MGST1: variants seen among roughly 807,000 people sequenced by gnomAD.
The protein encoded by MGST1 is microsomal glutathione S-transferase 1.
Under a neutral mutation model 8.9 loss-of-function variants are expected in MGST1, and 5 were observed. The ratio of observed to expected loss-of-function variants is 0.56; its 90% CI spans 0.29 to 1.19. The LOEUF (loss-of-function observed/expected upper bound fraction) is 1.19. Among genes scored for constraint, MGST1 ranks in the 50% most tolerant of loss-of-function variants. The pLI is 0.08. For synonymous variants in MGST1, 54 were observed against 67.8 expected, an observed-to-expected ratio of 0.80 and a Z score of 1.00; for missense variants, 182 against 187.4, an observed-to-expected ratio of 0.97 and a Z score of 0.17.
chr12:16,590,019 G>T (rs1005178402), downstream of MGST1, among the ~76,000 whole-genome samples: 2 of 152,008 alleles, frequency 1.3e-5, no homozygotes, highest in African/African-American at 2.4e-5. Context: ...AAGATTCAAA[G>T]CACATTTGCA....
rs1014668019 is a variant in MGST1, at chr12:16,586,314, A to G, written n.483-3214A>G. On this transcript the variant is annotated intron_variant and non_coding_transcript_variant, in intron 4 of 4. Transcript: ENST00000538857. The surrounding 1 kb of genome is among the most constrained non-coding windows in gnomAD (Gnocchi z 4.3). ...GATGTCATGATACGATGAAGTCCAC[A>G]TACGGAACAACTAAGAAACAACTAA... 2.5e-4 allele frequency among the ~76,000 whole-genome samples: 38 copies of G among 152,218 alleles called. No homozygotes were observed. Among genetic ancestry groups the G allele is most frequent in the African/African-American group, 8.7e-4 (36 of 41,448 alleles).
At chr12:16,444,676 G>C (rs1164755126) in intron 4 of MGST1, among the ~76,000 whole-genome samples, 1 of 151,884 alleles carries the variant, frequency 6.6e-6, no homozygotes, top group Admixed American at 6.6e-5. Context: ...AAGCTGAAGG[G>C]GGAGTGCTGG....
At chr12:16,453,731 A>G (rs2137115689) in intron 4 of MGST1, among the ~76,000 whole-genome samples, 1 of 151,964 alleles carries the variant, frequency 6.6e-6, no homozygotes, top group East Asian at 1.9e-4. Context: ...ACAATCTTTA[A>G]TGTTGCTTGA....
chr12:16,428,296 C>T (rs939982892), intron 1 of MGST1, among the ~76,000 whole-genome samples: 10 of 151,314 alleles, frequency 6.6e-5, no homozygotes, highest in African/African-American at 2.4e-4. Context: ...TCTCTTATAA[C>T]TTTGTTTGCA....
At chr12:16,558,016 A>G (rs946761474) in intron 4 of MGST1, among the ~76,000 whole-genome samples, 1 of 152,080 alleles carries the variant, frequency 6.6e-6, no homozygotes, top group Admixed American at 6.5e-5. Context: ...GATAGAAGAC[A>G]TATGTGAAGC....
Position 16,369,449 on chromosome 12 carries a change from G to T in MGST1, c.222-6673G>T, listed in dbSNP as rs188947130. Among the ~76,000 whole-genome samples the T allele has an allele frequency of 9.6e-4, 146 of 152,180 alleles. No individual in the cohort carries two copies. Among genetic ancestry groups the T allele is most frequent in the African/African-American group, 3.3e-3 (139 of 41,530 alleles). On this transcript the variant is annotated intron_variant, in intron 3 of 3. Transcript: ENST00000535309. This position sits in a 1 kb window ranked among gnomAD's most constrained non-coding sequence, Gnocchi z 4.8. The stretch of plus-strand genomic sequence containing the variant: ...GGTTCTCTAAGGAATCTGGAAATTG[G>T]CTGAAACTTGGCTGATTCAGAAAGA...
chr12:16,377,659 C>A (rs978871020), downstream of MGST1, among the ~76,000 whole-genome samples: 7 of 152,016 alleles, frequency 4.6e-5, no homozygotes, highest in Non-Finnish European at 4.4e-5. Flanking sequence ...GGGTATATAC[C>A]CAGTAATGGG....
At chr12:16,453,814 A>G (rs1941148809) in intron 4 of MGST1, among the ~76,000 whole-genome samples, 1 of 151,878 alleles carries the variant, frequency 6.6e-6, no homozygotes. Context: ...TCTATCTACA[A>G]ATTCCCTCCT....
At chr12:16,455,826 G>A (rs1323626925) in intron 4 of MGST1, among the ~76,000 whole-genome samples, 1 of 151,766 alleles carries the variant, frequency 6.6e-6, no homozygotes, top group Non-Finnish European at 1.5e-5. Context: ...GTTTCAAAAA[G>A]TTTCAAATGT....
chr12:16,563,061 G>A (rs1408195774), intron 4 of MGST1, among the ~76,000 whole-genome samples: 1 of 151,796 alleles, frequency 6.6e-6, no homozygotes, highest in African/African-American at 2.4e-5. Flanking sequence ...CACTTTCCCT[G>A]CCTCGCTGGA....
chr12:16,577,976 T>G lies in MGST1; in HGVS notation n.483-11552T>G, dbSNP rs1462210552. Among the ~76,000 whole-genome samples, 4 of 152,220 alleles carry G rather than the reference T, an allele frequency of 2.6e-5. No individual in the cohort carries two copies. The East Asian group carries it at 7.7e-4, about 29-fold the overall frequency. On this transcript the variant is annotated intron_variant and non_coding_transcript_variant, in intron 4 of 4. Coordinates refer to the MGST1 transcript ENST00000538857. ...TTGAGTTTACCTGGGTATCCTGTAT[T>G]TTGTCTGGCAACACTACAACTAATT...
intron 3 of MGST1, among the ~76,000 whole-genome samples, chr12:16,374,839 G>A (rs1377720233): frequency 6.6e-6 from 1 of 152,050 alleles, no homozygotes; most frequent in Non-Finnish European, 1.5e-5. Context: ...ATATACTCTT[G>A]TATGTGTGTG....
rs571003599 is a variant in MGST1 at position 16,524,636 on chromosome 12, C to A, written n.483-64892C>A. 6.2e-4 allele frequency among the ~76,000 whole-genome samples: 94 copies of A among 152,168 alleles called. 1 individual carries two copies. The South Asian group carries it at 7.1e-3, about 11-fold the overall frequency. On this transcript the variant is annotated intron_variant and non_coding_transcript_variant, in intron 4 of 4. Transcript: ENST00000538857. Reference sequence around the variant, plus strand: ...ACTTGTTTGGCTGTTGTTGCATATTCATAAAATAGTAATGGTCACTTTGTT... The same window carrying A: ...ACTTGTTTGGCTGTTGTTGCATATTAATAAAATAGTAATGGTCACTTTGTT...
At chr12:16,494,457 G>A (rs986819775) in intron 4 of MGST1, among the ~76,000 whole-genome samples, 59 of 152,224 alleles carry the variant, frequency 3.9e-4, no homozygotes, top group African/African-American at 1.3e-3. Flanking sequence ...ATGACTACCA[G>A]TAATTACTTA....
chr12:16,431,391 A>G (rs1386661662), intron 1 of MGST1, among the ~76,000 whole-genome samples: 4 of 151,836 alleles, frequency 2.6e-5, no homozygotes, highest in African/African-American at 7.3e-5. Flanking sequence ...TTGGCTTTCC[A>G]TATGCCTTCC....
intron 4 of MGST1, among the ~76,000 whole-genome samples, chr12:16,447,908 C>T (rs1021128794): frequency 6.6e-6 from 1 of 151,912 alleles, no homozygotes; most frequent in African/African-American, 2.4e-5. Context: ...AGGGTTGGAG[C>T]TGGAGGTCTC....
chr12:16,573,302 G>C (rs1221694494), intron 4 of MGST1, among the ~76,000 whole-genome samples: 2 of 152,074 alleles, frequency 1.3e-5, no homozygotes, highest in African/African-American at 2.4e-5. Context: ...AGATATAGTT[G>C]AAACAAAAAT....
chr12:16,475,351 A>G (rs1351677148), intron 4 of MGST1, among the ~76,000 whole-genome samples: 4 of 152,208 alleles, frequency 2.6e-5, no homozygotes, highest in African/African-American at 9.6e-5. Flanking sequence ...GATGAATACA[A>G]TTTTAAAAAT....
intron 1 of MGST1, among the ~76,000 whole-genome samples, chr12:16,425,034 T>C (rs1425428428): frequency 1.3e-5 from 2 of 152,164 alleles, no homozygotes; most frequent in Non-Finnish European, 2.9e-5. Context: ...CATCTTTCAG[T>C]GGTGTTTCTG....
Sources: allele counts gnomAD v4.1 joint callset (sites outside exome capture counted in the v4.1 genomes callset), GRCh38; gene constraint gnomAD v4.1.1; non-coding constraint Gnocchi (gnomAD v3.1); transcripts MANE v1.5; gene names NCBI Gene and HGNC (gene_info 2026-07-23, HGNC 2026-07-21).